Variants in PYGB observed in about 807,000 individuals in gnomAD.
PYGB encodes the protein glycogen phosphorylase, brain form.
Under a neutral mutation model 94.3 loss-of-function variants are expected in PYGB, and 82 were observed. The observed-to-expected ratio is 0.87, with a 90% CI of 0.73 to 1.04. The LOEUF (loss-of-function observed/expected upper bound fraction) is 1.04. PYGB is among the 50% of genes least tolerant of loss of function. PYGB has a pLI of 0.00. For missense variants in PYGB, 1,132 were observed against 1,158.2 expected (o/e 0.98, Z 0.33); for synonymous variants, 488 against 479.1 (o/e 1.02, Z -0.24).
chr20:25,261,108 T>A (rs1026835687), intron 2 of PYGB, among the ~76,000 whole-genome samples: 1 of 152,214 alleles, frequency 6.6e-6, no homozygotes, highest in African/African-American at 2.4e-5. Flanking sequence ...TGTCTCTGTG[T>A]GACATCTTTG....
In PYGB at chr20:25,259,351, A is replaced by G. The variant is rs1469775054; in HGVS notation, c.345+13A>G. On this transcript the variant is annotated intron_variant, in intron 2 of 19. Coordinates refer to ENST00000216962, the MANE Select transcript of PYGB (RefSeq NM_002862.4). The stretch of plus-strand genomic sequence containing the variant: ...AGCCATCTATCAGGTACAGAGCCTC[A>G]TGGCCGGGCTTCTGGGTGGCCCCTC... The G allele has an allele frequency of 6.3e-7, 1 of 1,579,368 alleles. No homozygotes were observed. The highest frequency in any genetic ancestry group is 8.7e-7 in the Non-Finnish European group (1 of 1,149,376).
chr20:25,292,485 G>A lies in PYGB; in HGVS notation c.2049G>A (p.Met683Ile). 1.2e-6 allele frequency: 2 copies of A among 1,613,536 alleles called. No homozygotes were observed. The highest frequency in any genetic ancestry group is 1.7e-6 in the Non-Finnish European group (2 of 1,179,990). The change falls in exon 17 of 20, where the codon ATG (methionine) becomes ATA (isoleucine). Residue 683 changes from methionine (M) to isoleucine (I), a missense_variant. By Grantham distance (10) the Met-to-Ile change is conservative. Coordinates refer to ENST00000216962, the MANE Select transcript of PYGB (RefSeq NM_002862.4). ...EASGTGNMKF[M>I]LNGALTIGTM... ...CAGGCACAGGCAACATGAAGTTCAT[G>A]CTCAACGGGGCCCTCACCATCGGCA...
At chr20:25,275,941 G>A (rs554869900) in intron 5 of PYGB, among the ~76,000 whole-genome samples, 95 of 152,366 alleles carry the variant, frequency 6.2e-4, no homozygotes, top group African/African-American at 2.2e-3. Flanking sequence ...CCACAGGCAC[G>A]TGTGTGCCGG....
In PYGB at chr20:25,290,543, C is replaced by T. The variant is rs1455998872; in HGVS notation, c.1890C>T (p.Val630=). ...IIKLVTSIGD[V]VNHDPVVGDR... ...AGTTGGTCACCTCCATCGGCGACGT[C>T]GTCAATCATGACCCAGTTGTGGGTG... is the stretch of plus-strand genomic sequence containing the variant. Residue 630 remains valine (V), a synonymous_variant, in exon 16 of 20, where the codon GTC becomes GTT. Transcript: ENST00000216962. 23 of 1,611,848 alleles carry T rather than the reference C, an allele frequency of 1.4e-5. No homozygotes were observed. The highest frequency in any genetic ancestry group is 1.7e-5 in the Non-Finnish European group (20 of 1,178,002).
Position 25,284,292 on chromosome 20 carries a change from C to T in PYGB, c.1768+41C>T, listed in dbSNP as rs1336728269. On this transcript the variant is annotated intron_variant, in intron 14 of 19. Coordinates refer to ENST00000216962, the MANE Select transcript of PYGB (RefSeq NM_002862.4). ...ACCTGCATGACCGCGCTGTGGGGCCCAAGGCTTGCCCTTGCCCGCCAGCTG... is the reference window on the plus strand; with the variant it reads ...ACCTGCATGACCGCGCTGTGGGGCCTAAGGCTTGCCCTTGCCCGCCAGCTG... 12 of 1,593,610 alleles carry T rather than the reference C, an allele frequency of 7.5e-6. No homozygotes were observed. The South Asian group carries it at 1.4e-4, about 18-fold the overall frequency.
chr20:25,294,873 G>A lies in PYGB; in HGVS notation c.2312+581G>A, dbSNP rs552756292. 17 of 1,371,718 alleles carry A rather than the reference G, an allele frequency of 1.2e-5. No individual in the cohort carries two copies. In the East Asian group the frequency reaches 2.5e-4, roughly 20 times the overall value. The allele number at this position is 1,371,718 out of a possible 1,614,324, so 85.0% of individuals were successfully genotyped here. ...ACCGTTGGCAAAAGTTGAATCCGGC[G>A]AGGGCTGGGAATTCACCTGCCCTCC... On this transcript the variant is annotated intron_variant, in intron 18 of 19. Transcript: ENST00000216962.
chr20:25,281,508 G>C (rs2123574782), intron 11 of PYGB, among the ~76,000 whole-genome samples: 1 of 152,346 alleles, frequency 6.6e-6, no homozygotes, highest in Non-Finnish European at 1.5e-5. Context: ...TCTTAGGTGG[G>C]GCGTGATCTA....
At chr20:25,265,173 G>C (rs1174068384) in intron 2 of PYGB, among the ~76,000 whole-genome samples, 1 of 152,186 alleles carries the variant, frequency 6.6e-6, no homozygotes, top group Non-Finnish European at 1.5e-5. Flanking sequence ...GCAAGCAATG[G>C]GGAAAGGAGT....
intron 4 of PYGB, 82 bp downstream of exon 4, chr20:25,271,568 T>A (rs2088268894): frequency 6.9e-7 from 1 of 1,452,836 alleles, no homozygotes; most frequent in African/African-American, 1.4e-5. Flanking sequence ...TGTCTTTTTA[T>A]ACTTCCCACG....
rs73341128 is a variant in PYGB at position 25,250,727 on chromosome 20, G to T, written c.243+2306G>T. Among the ~76,000 whole-genome samples the T allele has an allele frequency of 6.6e-3, 1,004 of 152,230 alleles. 15 individuals carry two copies. The highest frequency in any genetic ancestry group is 0.023 in the African/African-American group (962 of 41,526). On this transcript the variant is annotated intron_variant, in intron 1 of 19. Transcript: ENST00000216962. Reference sequence around the variant, plus strand: ...CAGAAATGACCTCAGACATTCACCGGCACACTGCAGACTGTGGTAATGTGA... The same window carrying T: ...CAGAAATGACCTCAGACATTCACCGTCACACTGCAGACTGTGGTAATGTGA...
rs200712486 is a variant in PYGB, at chr20:25,274,700, G to A, written c.637G>A (p.Gly213Ser). 2.0e-5 allele frequency: 33 copies of A among 1,613,194 alleles called. No homozygotes were observed. The East Asian group carries it at 4.5e-4, about 22-fold the overall frequency. ...CGGACGCGTGGAGCACACCCCCGAC[G>A]GCGTGAAGTGGCTGGACACACAGGT... ...FYGRVEHTPD[G>S]VKWLDTQVVL... Residue 213 changes from glycine to serine, a missense_variant, in exon 5 of 20, where the codon GGC (glycine) becomes AGC (serine). Gly to Ser is a moderately conservative substitution (Grantham distance 56, BLOSUM62 0). Transcript: ENST00000216962.
intron 12 of PYGB, among the ~76,000 whole-genome samples, chr20:25,282,917 G>A (rs542344722): frequency 6.6e-6 from 1 of 152,320 alleles, no homozygotes; most frequent in African/African-American, 2.4e-5. Flanking sequence ...TGGGATCGGT[G>A]GCTGAGGGAG....
At chr20:25,292,384 C>T (rs1286511696) in intron 16 of PYGB, 22 bp from the exon 17 acceptor site, 1 of 1,609,492 alleles carries the variant, frequency 6.2e-7, no homozygotes, top group East Asian at 2.2e-5. Context: ...CAGTGATCCC[C>T]TCCACGGGCT....
At chr20:25,290,657 A>T in intron 16 of PYGB, 35 bp downstream of exon 16, 1 of 1,580,754 alleles carries the variant, frequency 6.3e-7, no homozygotes, top group South Asian at 1.1e-5. Context: ...CAGAAAACTC[A>T]CTCCTGCCGG....
At chr20:25,257,858 C>T (rs578190219) in intron 1 of PYGB, among the ~76,000 whole-genome samples, 1 of 152,306 alleles carries the variant, frequency 6.6e-6, no homozygotes, top group Admixed American at 6.5e-5. Flanking sequence ...CTGTGGCTTC[C>T]TCTGCCAGAG....
Position 25,297,695 on chromosome 20 carries a change from T to C in PYGB, c.*1173T>C, listed in dbSNP as rs754151959. On this transcript the variant is annotated 3_prime_UTR_variant, in exon 20 of 20. Coordinates refer to ENST00000216962, the MANE Select transcript of PYGB (RefSeq NM_002862.4). ...CAGGCTACTGTCCTTCCCTGTGGAA[T>C]TGCCGAGAAATCTAGCACCTTGCAT... 1 of 152,262 alleles carries C rather than the reference T, an allele frequency of 6.6e-6. No individual in the cohort carries two copies. The highest frequency in any genetic ancestry group is 1.5e-5 in the Non-Finnish European group (1 of 68,070). 9.4% of individuals were successfully genotyped at this position (152,262 alleles called of 1,614,324 possible). A position where few individuals can be genotyped will look rare whatever the true frequency, so the allele number is the denominator to read the frequency against.
intron 2 of PYGB, among the ~76,000 whole-genome samples, chr20:25,266,078 T>C (rs963986848): frequency 5.3e-5 from 8 of 151,970 alleles, no homozygotes; most frequent in South Asian, 4.2e-4. Context: ...CTCAAACTCC[T>C]GACCTCAAGT....
At chr20:25,262,695 A>G (rs535805071) in intron 2 of PYGB, among the ~76,000 whole-genome samples, 1 of 148,014 alleles carries the variant, frequency 6.8e-6, no homozygotes, top group East Asian at 1.9e-4. Flanking sequence ...GTCAAGACCC[A>G]TCAGTGTGCT....
chr20:25,274,308 C>G (rs749736422), intron 4 of PYGB, among the ~76,000 whole-genome samples: 8 of 152,338 alleles, frequency 5.3e-5, no homozygotes, highest in Admixed American at 1.3e-4. Context: ...GTAGGTTTTT[C>G]AAGCTCCATC....
Sources: gnomAD v4.1 joint callset for allele counts (sites outside exome capture counted in the v4.1 genomes callset) on GRCh38, gnomAD v4.1.1 for gene constraint, MANE v1.5 for transcripts, NCBI Gene and HGNC (gene_info 2026-07-23, HGNC 2026-07-21) for gene names.